The following ZMYM2 variants were observed in gnomAD, a reference collection of about 807,000 sequenced individuals.
The protein encoded by ZMYM2 is zinc finger MYM-type protein 2.
In ZMYM2, 56 loss-of-function variants were observed where a neutral mutation model predicts 162.8. The ratio of observed to expected loss-of-function variants is 0.34; its 90% CI spans 0.28 to 0.43. ZMYM2 has a LOEUF of 0.43. Ranked by LOEUF, ZMYM2 falls within the 20% of genes least tolerant of loss-of-function variation. ZMYM2 has a pLI of 1.00. For synonymous variants in ZMYM2, 510 were observed against 541.6 expected, an observed-to-expected ratio of 0.94 and a Z score of 0.81; for missense variants, 1,275 against 1,621.8, an observed-to-expected ratio of 0.79 and a Z score of 3.67.
intron 2 of ZMYM2, among the ~76,000 whole-genome samples, chr13:19,986,539 T>G (rs550289476): frequency 1.3e-5 from 2 of 152,266 alleles, no homozygotes; most frequent in South Asian, 4.1e-4. Flanking sequence ...AGGAGAAAGT[T>G]TCAGATAAGT....
At position 20,082,810 on chromosome 13, in the gene ZMYM2, T is replaced by A. The variant is rs1421198945; in HGVS notation, c.3598T>A (p.Tyr1200Asn). 4 of 1,611,342 alleles carry A rather than the reference T, an allele frequency of 2.5e-6. No homozygotes were observed. The highest frequency in any genetic ancestry group is 1.7e-5 in the Admixed American group (1 of 59,968). ...GSIFSRVEED[Y>N]LWRIKQLGSH... ...AATATTCTCTCGAGTTGAAGAAGAC[T>A]ATCTCTGGAGGATAAAACAACTAGG... Residue 1200 changes from tyrosine to asparagine, a missense_variant, in exon 23 of 25, where the codon TAT becomes AAT. Transcript: ENST00000610343.
chr13:20,083,270 G>A (rs1958029225), intron 23 of ZMYM2, among the ~76,000 whole-genome samples: 1 of 152,078 alleles, frequency 6.6e-6, no homozygotes, highest in African/African-American at 2.4e-5. Flanking sequence ...CCATGTTGGT[G>A]AGGCTGGTCT....
the ZMYM2 span, among the ~76,000 whole-genome samples, chr13:19,899,151 C>T: frequency 6.6e-6 from 1 of 151,832 alleles, no homozygotes; most frequent in African/African-American, 2.4e-5. Context: ...CGGGTTTCAT[C>T]ATGTTGGCCA....
the ZMYM2 span, among the ~76,000 whole-genome samples, chr13:19,940,904 GTAAA>G: frequency 6.6e-6 from 1 of 152,234 alleles, no homozygotes; most frequent in East Asian, 1.9e-4. Context: ...GAATGCAAAG[GTAAA>G]TAACACATTA....
At chr13:20,083,211 C>T (rs1958024294) in intron 23 of ZMYM2, among the ~76,000 whole-genome samples, 179 bp downstream of exon 23, 1 of 152,080 alleles carries the variant, frequency 6.6e-6, no homozygotes, top group Non-Finnish European at 1.5e-5. Context: ...TACAGGCAGG[C>T]GCCACCATGC....
At chr13:19,939,728 A>G in the ZMYM2 span, among the ~76,000 whole-genome samples, 3 of 152,246 alleles carry the variant, frequency 2.0e-5, no homozygotes, top group Admixed American at 6.5e-5. Context: ...ACTATTAGCC[A>G]TGAAAAAGAA....
At chr13:20,049,444 TACTA>T (rs1955115393) in intron 12 of ZMYM2, among the ~76,000 whole-genome samples, 1 of 152,012 alleles carries the variant, frequency 6.6e-6, no homozygotes, top group African/African-American at 2.4e-5. Flanking sequence ...TAAACGGAAA[TACTA>T]CTACTAAGAG....
chr13:20,045,590 A>G (rs1471095077), intron 12 of ZMYM2, among the ~76,000 whole-genome samples: 1 of 152,204 alleles, frequency 6.6e-6, no homozygotes, highest in Non-Finnish European at 1.5e-5. Flanking sequence ...AGTTTAGCAC[A>G]TACAAGTGCA....
intron 7 of ZMYM2, among the ~76,000 whole-genome samples, chr13:20,022,008 C>T (rs1294394328): frequency 6.6e-6 from 1 of 152,186 alleles, no homozygotes; most frequent in African/African-American, 2.4e-5. Flanking sequence ...CTCCCCTTCC[C>T]CCAGCTACTT....
upstream of ZMYM2, among the ~76,000 whole-genome samples, chr13:19,957,480 G>A (rs2138961749): frequency 6.6e-6 from 1 of 152,344 alleles, no homozygotes; most frequent in Non-Finnish European, 1.5e-5. Context: ...GCACCATGAC[G>A]TCCGCCGAAG....
chr13:20,019,743 G>A, intron 7 of ZMYM2, 125 bp downstream of exon 7: 2 of 804,368 alleles, frequency 2.5e-6, no homozygotes, highest in Non-Finnish European at 4.0e-6. Context: ...AACTTAAATT[G>A]TATCAAATGA....
At chr13:20,022,912 T>G (rs1166105448) in intron 7 of ZMYM2, among the ~76,000 whole-genome samples, 1 of 152,158 alleles carries the variant, frequency 6.6e-6, no homozygotes, top group Non-Finnish European at 1.5e-5. Context: ...AAAATACCTA[T>G]GATTACAAAG....
At chr13:19,932,196 T>G in the ZMYM2 span, among the ~76,000 whole-genome samples, 1 of 152,234 alleles carries the variant, frequency 6.6e-6, no homozygotes, top group Non-Finnish European at 1.5e-5. Context: ...CTCTGATATC[T>G]TAGTGCTATG....
At chr13:19,998,448 G>A (rs1168680580) in intron 3 of ZMYM2, among the ~76,000 whole-genome samples, 2 of 152,100 alleles carry the variant, frequency 1.3e-5, no homozygotes, top group African/African-American at 2.4e-5. Context: ...AGAACACCCC[G>A]AGGAGCCACT....
the ZMYM2 span, among the ~76,000 whole-genome samples, chr13:19,921,535 G>A: frequency 6.6e-6 from 1 of 151,966 alleles, no homozygotes; most frequent in African/African-American, 2.4e-5. Flanking sequence ...GTCTTGTCTT[G>A]CTTATGAATA....
intron 9 of ZMYM2, among the ~76,000 whole-genome samples, chr13:20,030,644 C>T (rs544846818): frequency 1.9e-4 from 29 of 152,246 alleles, no homozygotes; most frequent in Non-Finnish European, 3.8e-4. Flanking sequence ...GTGATCCGCC[C>T]GCCTTGGCCT....
chr13:19,897,451 G>A, the ZMYM2 span, among the ~76,000 whole-genome samples: 1 of 151,966 alleles, frequency 6.6e-6, no homozygotes, highest in Non-Finnish European at 1.5e-5. Flanking sequence ...CATGTCCCTC[G>A]TGCCTGCTGG....
chr13:20,008,487 G>A (rs554897222), intron 6 of ZMYM2, among the ~76,000 whole-genome samples: 95 of 152,350 alleles, frequency 6.2e-4, no homozygotes, highest in African/African-American at 2.2e-3. Flanking sequence ...TCATAGGTAT[G>A]TGTCTATGGG....
At chr13:20,044,282 G>A (rs993721960) in intron 12 of ZMYM2, among the ~76,000 whole-genome samples, 1 of 152,182 alleles carries the variant, frequency 6.6e-6, no homozygotes, top group Admixed American at 6.5e-5. Context: ...TGGCTGAAGG[G>A]TTTCCTCCTG....
Sources: allele counts gnomAD v4.1 joint callset (sites outside exome capture counted in the v4.1 genomes callset), GRCh38; gene constraint gnomAD v4.1.1; transcripts MANE v1.5; gene names NCBI Gene and HGNC (gene_info 2026-07-23, HGNC 2026-07-21).